ZDHHC4: variants seen among roughly 807,000 people sequenced by gnomAD.
ZDHHC4 encodes zDHHC palmitoyltransferase 4, also known as palmitoyltransferase ZDHHC4.
In ZDHHC4, 42 loss-of-function variants were observed where a neutral mutation model predicts 36.7. That is an observed-to-expected ratio of 1.14 (90% confidence interval 0.89 to 1.48). The LOEUF (loss-of-function observed/expected upper bound fraction) is 1.48, where lower values mean the gene tolerates loss of function less well. ZDHHC4 is among the 40% of genes most tolerant of loss of function. The probability of loss-of-function intolerance (pLI) is 0.00; values close to 1 mark genes in which losing one functional copy is unlikely to be tolerated. For synonymous variants in ZDHHC4, 189 were observed against 166.6 expected, an observed-to-expected ratio of 1.13 and a Z score of -1.03; for missense variants, 457 against 421.5, an observed-to-expected ratio of 1.08 and a Z score of -0.74.
At chr7:6,581,569 G>A in intron 3 of ZDHHC4, 38 bp from the exon 4 acceptor site, 1 of 1,510,016 alleles carries the variant, frequency 6.6e-7, no homozygotes, top group Non-Finnish European at 9.2e-7. Flanking sequence ...GAGGAAGTGA[G>A]AAATGAAATT....
Position 6,589,109 on chromosome 7 carries a change from T to C in ZDHHC4, c.*199T>C. ...CTTTTGAAACCGGGCATCTCTGAAG[T>C]CCTGGTGTCAAGGGGATCAAGAGAT... On this transcript the variant is annotated 3_prime_UTR_variant, in exon 8 of 8. Transcript: ENST00000335965. 1 of 623,796 alleles carries C rather than the reference T, an allele frequency of 1.6e-6. No individual in the cohort carries two copies. Among genetic ancestry groups the C allele is most frequent in the Non-Finnish European group, 2.7e-6 (1 of 366,980 alleles). 38.6% of individuals were successfully genotyped at this position (623,796 alleles called of 1,614,324 possible). A position where few individuals can be genotyped will look rare whatever the true frequency, so the allele number is the denominator to read the frequency against.
chr7:6,578,810 A>T (rs943339062), intron 2 of ZDHHC4, 90 bp downstream of exon 2: 1 of 152,180 alleles, frequency 6.6e-6, no homozygotes, highest in East Asian at 1.9e-4. Context: ...TTGTTTGGTT[A>T]TCTCACTTGG....
At chr7:6,581,531 T>G in intron 3 of ZDHHC4, 76 bp from the exon 4 acceptor site, 2 of 1,107,338 alleles carry the variant, frequency 1.8e-6, no homozygotes, top group Middle Eastern at 2.0e-4. Flanking sequence ...GCCAGCTGTA[T>G]GTGGAGTGTC....
In ZDHHC4 at chr7:6,583,445, T is replaced by G. The variant is rs1781009754; in HGVS notation, c.496+14T>G. 2 of 1,599,724 alleles carry G rather than the reference T, an allele frequency of 1.3e-6. No individual in the cohort carries two copies. Among genetic ancestry groups the G allele is most frequent in the Admixed American group, 1.7e-5 (1 of 57,940 alleles). ...CCAAGCACTGCAGTGAGTGTGGCTCTCGTGACTCCAGCGGCACCTCCAACA... is the reference window on the plus strand; with the variant it reads ...CCAAGCACTGCAGTGAGTGTGGCTCGCGTGACTCCAGCGGCACCTCCAACA... On this transcript the variant is annotated intron_variant, in intron 6 of 7. Transcript: ENST00000335965.
intron 5 of ZDHHC4, among the ~76,000 whole-genome samples, chr7:6,582,696 T>C (rs1290318610): frequency 1.3e-5 from 2 of 151,854 alleles, no homozygotes; most frequent in East Asian, 3.9e-4. Flanking sequence ...TTTTGTATTT[T>C]TAGTAGAGAT....
intron 5 of ZDHHC4, among the ~76,000 whole-genome samples, chr7:6,583,084 G>A (rs910848929): frequency 9.2e-5 from 14 of 152,028 alleles, no homozygotes; most frequent in East Asian, 1.9e-4. Context: ...GGAGGCTTAC[G>A]TGGGAGAATC....
rs11559146 is a variant in ZDHHC4, at chr7:6,581,646, G to A, written c.157G>A (p.Val53Met). The A allele has an allele frequency of 0.29, 458,034 of 1,603,234 alleles. 68,023 individuals are homozygous for A. Among genetic ancestry groups the A allele is most frequent in the Admixed American group, 0.46 (27,160 of 59,680 alleles). ...CIIPECLQRAVHGLLHYLFHT... is the reference protein window; with the variant it reads ...CIIPECLQRAMHGLLHYLFHT... Reference sequence around the variant, plus strand: ...AATTCCAGAATGTCTTCAGAGAGCCGTGCATGGATTGCTTCATTACCTTTT... The same window carrying A: ...AATTCCAGAATGTCTTCAGAGAGCCATGCATGGATTGCTTCATTACCTTTT... The change falls in exon 4 of 8, where the codon GTG becomes ATG. Residue 53 changes from valine to methionine, a missense_variant. By Grantham distance (21) the Val-to-Met change is conservative. Transcript: ENST00000335965.
intron 6 of ZDHHC4, 26 bp downstream of exon 6, chr7:6,583,457 C>T (rs370369166): frequency 1.9e-5 from 31 of 1,592,808 alleles, no homozygotes; most frequent in East Asian, 1.1e-4. Context: ...GTGACTCCAG[C>T]GGCACCTCCA....
Position 6,580,645 on chromosome 7 carries a change from T to A in ZDHHC4, c.84T>A (p.His28Gln). The A allele has an allele frequency of 6.2e-7, 1 of 1,614,076 alleles. No homozygotes were observed. Among genetic ancestry groups the A allele is most frequent in the African/African-American group, 1.3e-5 (1 of 75,018 alleles). The change falls in exon 3 of 8, where the codon CAT becomes CAA. Residue 28 changes from histidine to glutamine, a missense_variant. By Grantham distance (24) the His-to-Gln change is conservative. Transcript: ENST00000335965. ...TTATCTGCGTCTGCTCGAAAACCCATAGCTTGAAAGGCCTGGCCAGGGGAG... is the reference window on the plus strand; with the variant it reads ...TTATCTGCGTCTGCTCGAAAACCCAAAGCTTGAAAGGCCTGGCCAGGGGAG... ...LVLICVCSKT[H>Q]SLKGLARGGA... is the part of the protein sequence containing the mutation.
rs1365133003 is a variant in ZDHHC4 at position 6,577,464 on chromosome 7, C to A, written c.-197C>A. On this transcript the variant is annotated 5_prime_UTR_variant, in exon 1 of 8. Transcript: ENST00000335965. ...CACGAGCCCGCAGGAAGTCTCGTAT[C>A]GCGCCCGGGAGGCGCCGGAGCCCAG... The A allele has an allele frequency of 6.6e-6, 1 of 152,104 alleles. No homozygotes were observed. The highest frequency in any genetic ancestry group is 1.9e-4 in the East Asian group (1 of 5,156). The allele number at this position is 152,104 out of a possible 1,614,324, so 9.4% of individuals were successfully genotyped here. A position where few individuals can be genotyped will look rare whatever the true frequency, so the allele number is the denominator to read the frequency against.
intron 2 of ZDHHC4, 119 bp from the exon 3 acceptor site, chr7:6,580,436 T>C: frequency 1.2e-6 from 1 of 815,584 alleles, no homozygotes; most frequent in Non-Finnish European, 2.1e-6. Flanking sequence ...CTTTGAGATG[T>C]CATTAAAGTC....
intron 2 of ZDHHC4, among the ~76,000 whole-genome samples, chr7:6,579,941 G>A (rs1407313749): frequency 6.6e-6 from 1 of 151,876 alleles, no homozygotes; most frequent in Non-Finnish European, 1.5e-5. Flanking sequence ...TTCGAGACCA[G>A]CCTGGCCAAC....
chr7:6,588,521 C>T (rs140144229), intron 7 of ZDHHC4, 96 bp from the exon 8 acceptor site: 38 of 1,341,100 alleles, frequency 2.8e-5, no homozygotes, highest in African/African-American at 2.8e-4. Flanking sequence ...GAGGAAGCAG[C>T]GCTGGTGGCT....
Position 6,588,649 on chromosome 7 carries a change from C to T in ZDHHC4, c.774C>T (p.Phe258=). Residue 258 remains phenylalanine (F), a synonymous_variant, in exon 8 of 8, where the codon TTC becomes TTT. Transcript: ENST00000335965. ...YLFLTFPRIV[F]MLGFVVVLSF... Reference sequence around the variant, plus strand: ...TCCTGACTTTTCCACGGATTGTCTTCATGCTGGGCTTTGTCGTGGTTCTGA... The same window carrying T: ...TCCTGACTTTTCCACGGATTGTCTTTATGCTGGGCTTTGTCGTGGTTCTGA... The T allele has an allele frequency of 6.2e-7, 1 of 1,614,180 alleles. No individual in the cohort carries two copies. Among genetic ancestry groups the T allele is most frequent in the Non-Finnish European group, 8.5e-7 (1 of 1,180,036 alleles).
Position 6,589,155 on chromosome 7 carries a change from T to G in ZDHHC4, c.*245T>G, listed in dbSNP as rs1562548734. 2.0e-6 allele frequency: 1 copy of G among 503,880 alleles called. No individual in the cohort carries two copies. Among genetic ancestry groups the G allele is most frequent in the Non-Finnish European group, 3.6e-6 (1 of 278,272 alleles). 31.2% of individuals were successfully genotyped at this position (503,880 alleles called of 1,614,324 possible). The stretch of plus-strand genomic sequence containing the variant: ...GAGATGACTTCTCAGAGGTTCTAGG[T>G]GATGCTGAGACCTTGGTGTCTCTAA... On this transcript the variant is annotated 3_prime_UTR_variant, in exon 8 of 8. Transcript: ENST00000335965.
At position 6,582,256 on chromosome 7, in the gene ZDHHC4, G is replaced by A. The variant is rs763735418; in HGVS notation, c.370+5G>A. 1 of 1,613,732 alleles carries A rather than the reference G, an allele frequency of 6.2e-7. No individual in the cohort carries two copies. Among genetic ancestry groups the A allele is most frequent in the Non-Finnish European group, 8.5e-7 (1 of 1,179,764 alleles). On this transcript the variant is annotated splice_donor_5th_base_variant and intron_variant, in intron 5 of 7. Coordinates refer to ENST00000335965, the MANE Select transcript of ZDHHC4 (RefSeq NM_001134389.2). ...TGACTTGTGGAACCAATCCTGGTAA[G>A]TTGAGGCTCTTAGCATACAGCATGG...
intron 1 of ZDHHC4, among the ~76,000 whole-genome samples, chr7:6,578,168 C>T (rs1780572938): frequency 6.6e-6 from 1 of 152,070 alleles, no homozygotes; most frequent in African/African-American, 2.4e-5. Flanking sequence ...AGCTCTATGG[C>T]CCAGGCTGGA....
chr7:6,581,727 T>G (rs1196212094), intron 4 of ZDHHC4, 47 bp downstream of exon 4: 2 of 1,452,856 alleles, frequency 1.4e-6, no homozygotes, highest in Non-Finnish European at 1.9e-6. Flanking sequence ...TCTGCTTTGA[T>G]TATTAATTGT....
Position 6,585,255 on chromosome 7 carries a change from A to C in ZDHHC4, c.736A>C (p.Ile246Leu). The change falls in exon 7 of 8, where the codon ATT (isoleucine) becomes CTT (leucine). Residue 246 changes from isoleucine (I) to leucine (L), a missense_variant. Ile to Leu is a conservative substitution (Grantham distance 5). Transcript: ENST00000335965. ...HLHVMDTVFL[I>L]QYLFLTFPRI... ...CCATGTTATGGACACGGTCTTTCTT[A>C]TTCAGGTAATTATGCTGTAGGTTTC... is the stretch of plus-strand genomic sequence containing the variant. The C allele has an allele frequency of 6.2e-7, 1 of 1,612,780 alleles. No homozygotes were observed. Among genetic ancestry groups the C allele is most frequent in the Non-Finnish European group, 8.5e-7 (1 of 1,178,926 alleles).
Sources: gnomAD v4.1 joint callset for allele counts (sites outside exome capture counted in the v4.1 genomes callset) on GRCh38, gnomAD v4.1.1 for gene constraint, MANE v1.5 for transcripts, NCBI Gene and HGNC (gene_info 2026-07-23, HGNC 2026-07-21) for gene names.